The following DCLK1 variants were observed in gnomAD, a reference collection of about 807,000 sequenced individuals.
The protein encoded by DCLK1 is serine/threonine-protein kinase DCLK1.
DCLK1 carries 16 observed loss-of-function variants against 86.2 expected under a neutral mutation model. The ratio of observed to expected loss-of-function variants is 0.19; its 90% confidence interval spans 0.13 to 0.28. DCLK1 has a LOEUF of 0.28. Among genes scored for constraint, DCLK1 ranks in the 10% least tolerant of loss-of-function variants. The pLI, the probability that DCLK1 is intolerant of heterozygous loss-of-function variation, is 1.00. For synonymous variants in DCLK1, 369 were observed against 370.5 expected (o/e 1.00, Z 0.05); for missense variants, 590 against 940.2 (o/e 0.63, Z 4.87).
At chr13:36,073,854 C>T (rs1884067723) in intron 3 of DCLK1, among the ~76,000 whole-genome samples, 1 of 152,174 alleles carries the variant, frequency 6.6e-6, no homozygotes, top group Non-Finnish European at 1.5e-5. Flanking sequence ...TGACCACAGA[C>T]AGATCCGCAC....
chr13:35,800,181 C>T (rs1003907431), intron 15 of DCLK1, among the ~76,000 whole-genome samples: 8 of 152,208 alleles, frequency 5.3e-5, no homozygotes, highest in African/African-American at 1.9e-4. Context: ...ATGGATGAAA[C>T]AGTTGTCATC....
intron 4 of DCLK1, among the ~76,000 whole-genome samples, chr13:35,909,292 T>C (rs1415696547): frequency 1.3e-5 from 2 of 152,220 alleles, no homozygotes; most frequent in African/African-American, 4.8e-5. Context: ...CTCCACCTTG[T>C]CTTTCTCCAA....
intron 16 of DCLK1, among the ~76,000 whole-genome samples, chr13:35,786,841 C>T (rs1416597726): frequency 1.3e-5 from 2 of 152,158 alleles, no homozygotes; most frequent in African/African-American, 4.8e-5. Flanking sequence ...ATGTGCAACT[C>T]CTACATGCAT....
At chr13:35,950,784 C>T (rs1877625127) in intron 3 of DCLK1, among the ~76,000 whole-genome samples, 1 of 152,128 alleles carries the variant, frequency 6.6e-6, no homozygotes, top group Non-Finnish European at 1.5e-5. Context: ...GTTCCACCTC[C>T]ATGCTCCTGT....
In DCLK1 at chr13:36,086,902, G is replaced by C. The variant is rs559121201; in HGVS notation, c.723+24967C>G. 4.6e-5 allele frequency among the ~76,000 whole-genome samples: 7 copies of C among 152,232 alleles called. No homozygotes were observed. The South Asian group carries it at 1.2e-3, about 27-fold the overall frequency. ...GAATTTGGGTTGGTTCCAAGTCTTTGCTATTGCGAATAGTGCTGCAATAAA... is the reference window on the plus strand; with the variant it reads ...GAATTTGGGTTGGTTCCAAGTCTTTCCTATTGCGAATAGTGCTGCAATAAA... On this transcript the variant is annotated intron_variant, in intron 3 of 16. Coordinates refer to ENST00000360631, the MANE Select transcript of DCLK1 (RefSeq NM_001330071.2).
chr13:35,799,329 G>A (rs1000877462), intron 15 of DCLK1, among the ~76,000 whole-genome samples: 32 of 151,988 alleles, frequency 2.1e-4, no homozygotes, highest in African/African-American at 6.3e-4. Context: ...TTGGCTCACC[G>A]CAACCTCTGC....
Position 35,958,259 on chromosome 13 carries a change from T to C in DCLK1, c.724-10802A>G, listed in dbSNP as rs201932188. Reference sequence around the variant, plus strand: ...CCATCATCACCACCACCACTACCACTACTATAACCATTACCACCATCACTG... The same window carrying C: ...CCATCATCACCACCACCACTACCACCACTATAACCATTACCACCATCACTG... On this transcript the variant is annotated intron_variant, in intron 3 of 16. Transcript: ENST00000360631. 2.8e-3 allele frequency among the ~76,000 whole-genome samples: 63 copies of C among 22,346 alleles called. 3 individuals are homozygous for C. Among genetic ancestry groups the C allele is most frequent in the Admixed American group, 0.011 (37 of 3,482 alleles). 14.7% of individuals were successfully genotyped at this position (22,346 alleles called of 152,430 possible).
At chr13:36,106,956 A>G (rs1221215174) in intron 3 of DCLK1, among the ~76,000 whole-genome samples, 1 of 152,172 alleles carries the variant, frequency 6.6e-6, no homozygotes, top group African/African-American at 2.4e-5. Flanking sequence ...GGCCAAAAAG[A>G]AGAAAATAAA....
At chr13:36,119,228 T>G (rs929057886) in intron 2 of DCLK1, among the ~76,000 whole-genome samples, 1 of 152,126 alleles carries the variant, frequency 6.6e-6, no homozygotes, top group Admixed American at 6.5e-5. Flanking sequence ...AAAGATCTGA[T>G]TTAGGAGTAA....
intron 3 of DCLK1, among the ~76,000 whole-genome samples, chr13:36,059,324 T>G (rs1883452669): frequency 6.6e-6 from 1 of 152,142 alleles, no homozygotes; most frequent in African/African-American, 2.4e-5. Context: ...CTCCTTCACA[T>G]AGTAATATAA....
intron 3 of DCLK1, among the ~76,000 whole-genome samples, chr13:36,066,205 G>A (rs2153160277): frequency 6.6e-6 from 1 of 152,246 alleles, no homozygotes; most frequent in East Asian, 1.9e-4. Context: ...TGAGAGAAAG[G>A]GTCAAGTCAC....
At chr13:36,006,301 G>A (rs958397261) in intron 3 of DCLK1, among the ~76,000 whole-genome samples, 7 of 152,218 alleles carry the variant, frequency 4.6e-5, no homozygotes, top group East Asian at 1.9e-4. Flanking sequence ...TGGGAGACCC[G>A]CAAACCAGCG....
intron 3 of DCLK1, among the ~76,000 whole-genome samples, chr13:35,968,400 G>C (rs180790998): frequency 1.3e-5 from 2 of 152,216 alleles, no homozygotes; most frequent in African/African-American, 4.8e-5. Context: ...AGGGTCACCT[G>C]TTTGGGCTTT....
At chr13:36,036,081 C>T (rs1298940346) in intron 3 of DCLK1, among the ~76,000 whole-genome samples, 1 of 152,104 alleles carries the variant, frequency 6.6e-6, no homozygotes, top group Non-Finnish European at 1.5e-5. Context: ...GGGGTGGAAG[C>T]ACCTCCCCGT....
intron 3 of DCLK1, among the ~76,000 whole-genome samples, chr13:36,074,468 C>CAA (rs768865436): frequency 1.3e-5 from 1 of 79,322 alleles, no homozygotes; most frequent in East Asian, 2.8e-4. Flanking sequence ...GACTCCGTCT[C>CAA]AAAAAAAAAA....
At chr13:35,911,325 C>G (rs1435199732) in intron 4 of DCLK1, among the ~76,000 whole-genome samples, 1 of 151,576 alleles carries the variant, frequency 6.6e-6, no homozygotes, top group Non-Finnish European at 1.5e-5. Flanking sequence ...TAAATTTTAC[C>G]ACCAACAACG....
At chr13:36,096,738 C>T (rs189656473) in intron 3 of DCLK1, among the ~76,000 whole-genome samples, 29 of 152,230 alleles carry the variant, frequency 1.9e-4, no homozygotes, top group Admixed American at 1.6e-3. Context: ...ACCTAATCAG[C>T]TTATAAATGG....
chr13:35,930,597 CTCAAACAA>C (rs1876375962), intron 4 of DCLK1, among the ~76,000 whole-genome samples: 1 of 152,126 alleles, frequency 6.6e-6, no homozygotes, highest in East Asian at 1.9e-4. Context: ...AAGACTCCAT[CTCAAACAA>C]ACAAACAAAC....
intron 4 of DCLK1, among the ~76,000 whole-genome samples, chr13:35,873,939 A>G (rs910326081): frequency 1.3e-5 from 2 of 152,202 alleles, no homozygotes; most frequent in African/African-American, 4.8e-5. Context: ...TGCATTCTAT[A>G]TGAAAGTTTA....
Sources: allele counts gnomAD v4.1 joint callset (sites outside exome capture counted in the v4.1 genomes callset), GRCh38; gene constraint gnomAD v4.1.1; transcripts MANE v1.5; gene names NCBI Gene and HGNC (gene_info 2026-07-23, HGNC 2026-07-21).